The following DLC1 variants were observed in gnomAD, a reference collection of about 807,000 sequenced individuals.
The protein encoded by DLC1 is rho GTPase-activating protein 7.
In DLC1, 54 loss-of-function variants were observed where a neutral mutation model predicts 140.3. That is an observed-to-expected ratio of 0.38 (90% CI 0.31 to 0.48). DLC1 has a LOEUF of 0.48. DLC1 is among the 20% of genes least tolerant of loss of function. The pLI is 0.96. For missense variants in DLC1, 2,536 were observed against 1,907.0 expected, an observed-to-expected ratio of 1.33 and a Z score of -6.14; for synonymous variants, 986 against 728.1, an observed-to-expected ratio of 1.35 and a Z score of -5.70.
chr8:13,152,121 G>A (rs536505671), intron 5 of DLC1, among the ~76,000 whole-genome samples: 5 of 152,174 alleles, frequency 3.3e-5, no homozygotes, highest in Admixed American at 6.5e-5. Context: ...GTGCACAACT[G>A]TACTTGTAAG....
At position 13,499,583 on chromosome 8, in the gene DLC1, G is replaced by T; in HGVS notation, c.489C>A (p.Ser163=). 1 of 1,614,128 alleles carries T rather than the reference G, an allele frequency of 6.2e-7. No individual in the cohort carries two copies. The highest frequency in any genetic ancestry group is 8.5e-7 in the Non-Finnish European group (1 of 1,180,006). Residue 163 remains serine, a synonymous_variant, in exon 2 of 18, where the codon TCC becomes TCA. Transcript: ENST00000276297. ...IIQSNQVSSN[S]WGIAGETELA... is the part of the protein sequence containing the mutation. ...ATTCAGTTTCACCAGCTATTCCCCA[G>T]GAGTTAGAAGAAACTTGGTTACTTT...
In DLC1 at chr8:13,309,479, G is replaced by T. The variant is rs534945469; in HGVS notation, c.1315-4177C>A. On this transcript the variant is annotated intron_variant, in intron 4 of 17. Coordinates refer to ENST00000276297, the MANE Select transcript of DLC1 (RefSeq NM_182643.3). Reference sequence around the variant, plus strand: ...ATTAAGGTGTTTTATTAATACAATCGAATTTTTAAAAAGCTATTTAAGAAA... The same window carrying T: ...ATTAAGGTGTTTTATTAATACAATCTAATTTTTAAAAAGCTATTTAAGAAA... Among the ~76,000 whole-genome samples, 25 of 152,168 alleles carry T rather than the reference G, an allele frequency of 1.6e-4. No homozygotes were observed. The South Asian group carries it at 2.7e-3, about 16-fold the overall frequency.
intron 1 of DLC1, among the ~76,000 whole-genome samples, chr8:13,544,499 G>A (rs945800695): frequency 1.3e-5 from 2 of 152,144 alleles, no homozygotes; most frequent in Admixed American, 1.3e-4. Context: ...GTGCAGAGAT[G>A]GGAGGATCTG....
At chr8:13,352,250 C>T (rs1226169073) in intron 4 of DLC1, among the ~76,000 whole-genome samples, 4 of 152,230 alleles carry the variant, frequency 2.6e-5, no homozygotes, top group African/African-American at 4.8e-5. Context: ...CCGTCACATG[C>T]ACATGCATAG....
intron 5 of DLC1, among the ~76,000 whole-genome samples, chr8:13,250,175 CT>C (rs1829942579): frequency 6.6e-6 from 1 of 152,236 alleles, no homozygotes. Context: ...TCCATATAAA[CT>C]TCTACCAAAT....
intron 5 of DLC1, among the ~76,000 whole-genome samples, chr8:13,234,968 T>C (rs1829213968): frequency 6.6e-6 from 1 of 152,086 alleles, no homozygotes; most frequent in African/African-American, 2.4e-5. Flanking sequence ...GAGCAAAGAC[T>C]GATTCTAGGG....
intron 2 of DLC1, among the ~76,000 whole-genome samples, chr8:13,454,762 C>T (rs1442922425): frequency 6.6e-6 from 1 of 152,124 alleles, no homozygotes; most frequent in Non-Finnish European, 1.5e-5. Context: ...TTATGTTGCC[C>T]AGGCTGGTCT....
intron 5 of DLC1, among the ~76,000 whole-genome samples, chr8:13,116,508 G>A (rs1453096300): frequency 2.6e-5 from 4 of 152,126 alleles, no homozygotes; most frequent in Admixed American, 2.0e-4. Context: ...AGAGTACTCA[G>A]TTACACAAGT....
intron 5 of DLC1, among the ~76,000 whole-genome samples, chr8:13,164,299 A>AT (rs1824940334): frequency 1.3e-5 from 2 of 150,502 alleles, no homozygotes; most frequent in Admixed American, 1.3e-4. Context: ...CTTCTCTCAA[A>AT]AAAAAAAAAT....
chr8:13,181,422 G>A (rs144593983), intron 5 of DLC1, among the ~76,000 whole-genome samples: 1 of 148,880 alleles, frequency 6.7e-6, no homozygotes, highest in Non-Finnish European at 1.5e-5. Context: ...GGGCCATGTT[G>A]CTTTGCTGCA....
Position 13,573,918 on chromosome 8 carries a change from A to G in DLC1, c.-126+30619T>C, listed in dbSNP as rs1044457201. On this transcript the variant is annotated intron_variant, in intron 1 of 1. Coordinates refer to the DLC1 transcript ENST00000631382. ...TGCTTTTCTCTCTTACTTGTGAGCA[A>G]CGCAAGTGTAGAGACTCCCTCCATC... is the stretch of plus-strand genomic sequence containing the variant. 2.0e-5 allele frequency among the ~76,000 whole-genome samples: 3 copies of G among 152,174 alleles called. No individual in the cohort carries two copies. In the East Asian group the frequency reaches 5.8e-4, roughly 29 times the overall value.
At chr8:13,469,956 G>C (rs1800132019) in intron 2 of DLC1, among the ~76,000 whole-genome samples, 1 of 152,070 alleles carries the variant, frequency 6.6e-6, no homozygotes, top group African/African-American at 2.4e-5. Flanking sequence ...TAGCCAGGCA[G>C]GGCAGCTTAT....
At chr8:13,152,160 GGT>G (rs1216473728) in intron 5 of DLC1, among the ~76,000 whole-genome samples, 1 of 152,156 alleles carries the variant, frequency 6.6e-6, no homozygotes, top group Non-Finnish European at 1.5e-5. Flanking sequence ...GGCACAGGTT[GGT>G]TCTTTAGACA....
chr8:13,349,915 C>T (rs752906039), intron 4 of DLC1, among the ~76,000 whole-genome samples: 19 of 152,200 alleles, frequency 1.2e-4, no homozygotes, highest in African/African-American at 1.9e-4. Flanking sequence ...GATCCAGCTG[C>T]ATATGGACTC....
intron 4 of DLC1, among the ~76,000 whole-genome samples, chr8:13,361,254 C>T (rs942386885): frequency 1.3e-5 from 2 of 151,802 alleles, no homozygotes; most frequent in Admixed American, 6.6e-5. Flanking sequence ...CAAAACAAAA[C>T]GAGAGAGAGA....
intron 2 of DLC1, among the ~76,000 whole-genome samples, chr8:13,471,041 C>G (rs750238159): frequency 9.9e-5 from 15 of 151,838 alleles, no homozygotes; most frequent in Non-Finnish European, 1.6e-4. Flanking sequence ...AAGCCACACA[C>G]AGACAGATAC....
chr8:13,531,350 C>T (rs561763246), intron 1 of DLC1, among the ~76,000 whole-genome samples: 1 of 152,252 alleles, frequency 6.6e-6, no homozygotes, highest in East Asian at 1.9e-4. Context: ...ATTTGGAAGG[C>T]CAAGGCGGGC....
chr8:13,115,680 C>A lies in DLC1; in HGVS notation c.1349-23G>T, dbSNP rs771467769. The A allele has an allele frequency of 1.9e-6, 3 of 1,609,844 alleles. No individual in the cohort carries two copies. In the African/African-American group the frequency reaches 4.0e-5, roughly 22 times the overall value. Reference sequence around the variant, plus strand: ...TTTCTAGAACAGAACAGAAGAAAGACAAAATTAGCCATGTGTACCTCGCCA... The same window carrying A: ...TTTCTAGAACAGAACAGAAGAAAGAAAAAATTAGCCATGTGTACCTCGCCA... On this transcript the variant is annotated intron_variant, in intron 5 of 17. Transcript: ENST00000276297.
At chr8:13,221,958 T>C (rs890900090) in intron 5 of DLC1, among the ~76,000 whole-genome samples, 9 of 145,228 alleles carry the variant, frequency 6.2e-5, no homozygotes, top group Non-Finnish European at 9.0e-5. Context: ...CTATATTTTA[T>C]ATAACATATA....
Sources: gnomAD v4.1 joint callset for allele counts (sites outside exome capture counted in the v4.1 genomes callset) on GRCh38, gnomAD v4.1.1 for gene constraint, MANE v1.5 for transcripts, NCBI Gene and HGNC (gene_info 2026-07-23, HGNC 2026-07-21) for gene names.